Variants in TSPAN5 observed in about 807,000 individuals in gnomAD.
TSPAN5 encodes tetraspanin 5.
In TSPAN5, 10 loss-of-function variants were observed where a neutral mutation model predicts 37.1. That is an observed-to-expected ratio of 0.27 (90% CI 0.17 to 0.46). The LOEUF (loss-of-function observed/expected upper bound fraction) is 0.46. Among genes scored for constraint, TSPAN5 ranks in the 20% least tolerant of loss-of-function variants. The pLI is 1.00. For synonymous variants in TSPAN5, 110 were observed against 118.9 expected, an observed-to-expected ratio of 0.93 and a Z score of 0.48; for missense variants, 195 against 326.6, an observed-to-expected ratio of 0.60 and a Z score of 3.11.
chr4:98,587,271 C>T (rs1362587157), intron 1 of TSPAN5, among the ~76,000 whole-genome samples: 1 of 152,168 alleles, frequency 6.6e-6, no homozygotes, highest in Non-Finnish European at 1.5e-5. Flanking sequence ...ATTAGAAAGC[C>T]CAGCTTCCAC....
intron 1 of TSPAN5, among the ~76,000 whole-genome samples, chr4:98,623,486 T>C (rs764893272): frequency 1.2e-4 from 18 of 152,366 alleles, no homozygotes; most frequent in Non-Finnish European, 2.2e-4. Flanking sequence ...TCTGTCCCAC[T>C]TCAAAATTAT....
At chr4:98,645,743 G>A (rs1160947482) in intron 1 of TSPAN5, among the ~76,000 whole-genome samples, 1 of 152,164 alleles carries the variant, frequency 6.6e-6, no homozygotes, top group African/African-American at 2.4e-5. Flanking sequence ...ACGCAACAGG[G>A]AGTCACAACC....
chr4:98,538,709 G>A (rs1754292708), intron 1 of TSPAN5, among the ~76,000 whole-genome samples: 1 of 152,166 alleles, frequency 6.6e-6, no homozygotes, highest in African/African-American at 2.4e-5. Flanking sequence ...CTTTGTATCA[G>A]TTTATACTGA....
intron 1 of TSPAN5, among the ~76,000 whole-genome samples, chr4:98,634,071 C>T (rs955670322): frequency 1.3e-5 from 2 of 151,084 alleles, no homozygotes; most frequent in African/African-American, 4.9e-5. Flanking sequence ...AAGAGCGAAA[C>T]TCTGTCTCAA....
intron 1 of TSPAN5, among the ~76,000 whole-genome samples, chr4:98,631,584 C>A (rs543392764): frequency 1.3e-5 from 2 of 152,306 alleles, no homozygotes; most frequent in South Asian, 4.1e-4. Context: ...GGAGCCACCA[C>A]TTCAAGGTCC....
At chr4:98,652,179 C>A (rs528303212) in intron 1 of TSPAN5, among the ~76,000 whole-genome samples, 1 of 152,216 alleles carries the variant, frequency 6.6e-6, no homozygotes, top group African/African-American at 2.4e-5. Context: ...ATCAAAACAT[C>A]TACTGTGTTT....
In TSPAN5 at chr4:98,594,007, T is replaced by G. The variant is rs1474041828; in HGVS notation, c.81+64139A>C. Among the ~76,000 whole-genome samples, 3 of 74,618 alleles carry G rather than the reference T, an allele frequency of 4.0e-5. 1 individual carries two copies. Among genetic ancestry groups the G allele is most frequent in the Non-Finnish European group, 7.3e-5 (3 of 40,932 alleles). 49.0% of individuals were successfully genotyped at this position (74,618 alleles called of 152,430 possible). ...ATTGGTAGCTTGATGGGGATGGCAT[T>G]GAATCTGTAAATTACCTTGGGCAGT... On this transcript the variant is annotated intron_variant, in intron 1 of 7. Transcript: ENST00000305798.
At chr4:98,527,857 A>G (rs983550342) in intron 1 of TSPAN5, among the ~76,000 whole-genome samples, 1 of 152,238 alleles carries the variant, frequency 6.6e-6, no homozygotes, top group African/African-American at 2.4e-5. Context: ...TAAAAAAGAA[A>G]TAACAGTAGA....
At chr4:98,617,660 A>T (rs17027861) in intron 1 of TSPAN5, among the ~76,000 whole-genome samples, 1 of 152,212 alleles carries the variant, frequency 6.6e-6, no homozygotes, top group African/African-American at 2.4e-5. Context: ...AAATAGGCCA[A>T]CAGCTCCAAA....
chr4:98,502,243 A>G (rs1753369680), intron 2 of TSPAN5, among the ~76,000 whole-genome samples: 1 of 152,230 alleles, frequency 6.6e-6, no homozygotes, highest in Non-Finnish European at 1.5e-5. Context: ...ATGCAAGTCT[A>G]GAATTCAGAT....
chr4:98,511,180 T>C (rs562633709), intron 1 of TSPAN5, among the ~76,000 whole-genome samples: 2 of 152,346 alleles, frequency 1.3e-5, no homozygotes, highest in South Asian at 4.1e-4. Context: ...AAATGTACAG[T>C]ACAAATGTTT....
rs568625922 is a variant in TSPAN5 at position 98,655,689 on chromosome 4, T to C, written c.81+2457A>G. Among the ~76,000 whole-genome samples, 11 of 152,294 alleles carry C rather than the reference T, an allele frequency of 7.2e-5. No individual in the cohort carries two copies. In the East Asian group the frequency reaches 1.5e-3, roughly 21 times the overall value. ...GCTGTTTTTGGCAATCACAGACAGG[T>C]TGGTGACTCTGTAGAGAGCAGAGGT... On this transcript the variant is annotated intron_variant, in intron 1 of 7. Coordinates refer to ENST00000305798, the MANE Select transcript of TSPAN5 (RefSeq NM_005723.4).
intron 2 of TSPAN5, among the ~76,000 whole-genome samples, chr4:98,502,449 C>T (rs1038568214): frequency 1.4e-4 from 22 of 152,138 alleles, no homozygotes; most frequent in African/African-American, 4.8e-4. Context: ...GTATGGAAAC[C>T]AGGAGAGTGT....
intron 1 of TSPAN5, among the ~76,000 whole-genome samples, chr4:98,604,589 A>G (rs537406682): frequency 1.1e-4 from 16 of 152,332 alleles, no homozygotes; most frequent in African/African-American, 3.6e-4. Context: ...TGGGATTTAT[A>G]CTTGAATACT....
chr4:98,650,546 G>A (rs1757164049), intron 1 of TSPAN5, among the ~76,000 whole-genome samples: 1 of 152,166 alleles, frequency 6.6e-6, no homozygotes, highest in Non-Finnish European at 1.5e-5. Context: ...AAAATATGGA[G>A]AGGAAAAACT....
chr4:98,551,824 G>T (rs1754625503), intron 1 of TSPAN5, among the ~76,000 whole-genome samples: 1 of 151,954 alleles, frequency 6.6e-6, no homozygotes, highest in Non-Finnish European at 1.5e-5. Context: ...GAAAGAATTT[G>T]CCTGTGACTG....
intron 1 of TSPAN5, among the ~76,000 whole-genome samples, chr4:98,620,259 A>G (rs1463748422): frequency 1.3e-5 from 2 of 152,142 alleles, no homozygotes; most frequent in Non-Finnish European, 2.9e-5. Context: ...GACCACCCGG[A>G]GGCCACCCAG....
At chr4:98,548,138 T>C (rs1388772318) in intron 1 of TSPAN5, among the ~76,000 whole-genome samples, 7 of 152,030 alleles carry the variant, frequency 4.6e-5, no homozygotes, top group African/African-American at 7.3e-5. Context: ...AGAAAGCATA[T>C]GAACCCCCAG....
chr4:98,548,358 T>C (rs898755728), intron 1 of TSPAN5, among the ~76,000 whole-genome samples: 2 of 152,154 alleles, frequency 1.3e-5, no homozygotes, highest in Non-Finnish European at 2.9e-5. Flanking sequence ...TAGGGTCCTG[T>C]TATTTGCTTA....
Sources: gnomAD v4.1 joint callset for allele counts (sites outside exome capture counted in the v4.1 genomes callset) on GRCh38, gnomAD v4.1.1 for gene constraint, MANE v1.5 for transcripts, NCBI Gene and HGNC (gene_info 2026-07-23, HGNC 2026-07-21) for gene names.